The following MEIS3 variants were observed in gnomAD, a reference collection of about 807,000 sequenced individuals.
The protein encoded by MEIS3 is homeobox protein Meis3.
Under a neutral mutation model 51.4 loss-of-function variants are expected in MEIS3, and 38 were observed. The ratio of observed to expected loss-of-function variants is 0.74; its 90% confidence interval spans 0.57 to 0.97. MEIS3 has a LOEUF of 0.97. Ranked by LOEUF, MEIS3 falls within the 50% of genes least tolerant of loss-of-function variation. The pLI is 0.00. For synonymous variants in MEIS3, 198 were observed against 201.8 expected (o/e 0.98, Z 0.16); for missense variants, 456 against 502.6 (o/e 0.91, Z 0.89).
chr19:47,406,978 A>G lies in MEIS3; in HGVS notation c.995-7T>C. 6.4e-7 allele frequency: 1 copy of G among 1,574,598 alleles called. No individual in the cohort carries two copies. Among genetic ancestry groups the G allele is most frequent in the East Asian group, 2.3e-5 (1 of 43,374 alleles). ...CTGAAGGCTGCACCCTGCCCTGCGA[A>G]GGGGGTTCAGAGGTGCAGGCTGAGC... On this transcript the variant is annotated splice_polypyrimidine_tract_variant and splice_region_variant and intron_variant, in intron 10 of 12. Coordinates refer to ENST00000558555, the MANE Select transcript of MEIS3 (RefSeq NM_001301059.2).
At chr19:47,420,940 A>ACACACACACACTCTCTCTCTCT (rs1187725467), upstream of MEIS3, among the ~76,000 whole-genome samples, 2 of 90,996 alleles carry the variant, frequency 2.2e-5, no homozygotes, top group Non-Finnish European at 2.1e-5. Flanking sequence ...ACACACACAC[A>ACACACACACACTCTCTCTCTCT]CTCTCTCTCT....
At chr19:47,407,670 T>G in intron 8 of MEIS3, 6 of 898,284 alleles carry the variant, frequency 6.7e-6, no homozygotes, top group Non-Finnish European at 6.2e-6. Flanking sequence ...TGGCCAGCTC[T>G]GATTAGAGAG....
chr19:47,413,250 C>T (rs181429626), intron 6 of MEIS3, among the ~76,000 whole-genome samples: 34 of 151,844 alleles, frequency 2.2e-4, no homozygotes, highest in African/African-American at 7.2e-4. Context: ...AAAATTAGCC[C>T]GGTGTGGTCG....
chr19:47,407,192 C>G, intron 9 of MEIS3, 55 bp from the exon 10 acceptor site: 1 of 1,568,472 alleles, frequency 6.4e-7, no homozygotes, highest in South Asian at 1.2e-5. Flanking sequence ...GGGAGAGAGG[C>G]CAAGACGAAC....
At position 47,407,366 on chromosome 19, in the gene MEIS3, C is replaced by G. The variant is rs750091922; in HGVS notation, c.921G>C (p.Leu307=). The change falls in exon 9 of 13, where the codon CTG becomes CTC. Residue 307 remains leucine, a synonymous_variant. Coordinates refer to ENST00000558555, the MANE Select transcript of MEIS3 (RefSeq NM_001301059.2). ...GGGCCACTCACCAGTTGTTGACTTG[C>G]AGGATGGTGAGCCCCGTGTCCTGCG... ...QLAQDTGLTI[L]QVNNWFINAR... is the part of the protein sequence containing the mutation. The G allele has an allele frequency of 6.2e-7, 1 of 1,613,340 alleles. No individual in the cohort carries two copies. Among genetic ancestry groups the G allele is most frequent in the East Asian group, 2.2e-5 (1 of 44,830 alleles).
At chr19:47,407,021 C>T in intron 10 of MEIS3, 50 bp from the exon 11 acceptor site, 1 of 1,581,948 alleles carries the variant, frequency 6.3e-7, no homozygotes. Flanking sequence ...AGCCCGGGAC[C>T]CGGCTTTGAC....
At chr19:47,411,665 C>T (rs987866505) in intron 6 of MEIS3, among the ~76,000 whole-genome samples, 1 of 151,680 alleles carries the variant, frequency 6.6e-6, no homozygotes, top group Non-Finnish European at 1.5e-5. Flanking sequence ...CTCAGCCTCC[C>T]GAGTAGCTGG....
intron 9 of MEIS3, 53 bp from the exon 10 acceptor site, chr19:47,407,190 G>A (rs1343453781): frequency 1.9e-6 from 3 of 1,572,480 alleles, no homozygotes; most frequent in African/African-American, 1.3e-5. Context: ...GTGGGAGAGA[G>A]GCCAAGACGA....
chr19:47,407,504 T>C, intron 8 of MEIS3, 76 bp from the exon 9 acceptor site: 2 of 1,610,002 alleles, frequency 1.2e-6, no homozygotes, highest in Non-Finnish European at 1.7e-6. Context: ...CCCACCGGGG[T>C]CCGGGGGATG....
rs371664846 is a variant in MEIS3 at position 47,407,408 on chromosome 19, C to T, written c.879G>A (p.Glu293=). 50 of 1,613,830 alleles carry T rather than the reference C, an allele frequency of 3.1e-5. No homozygotes were observed. The African/African-American group carries it at 3.6e-4, about 12-fold the overall frequency. The part of the protein sequence containing the change: ...QHLSHPYPSE[E]QKKQLAQDTG... ...TGTCCTGCGCCAGCTGTTTCTTCTG[C>T]TCCTCCGAGGGGTACGGGTGCTGCA... The change falls in exon 9 of 13, where the codon GAG becomes GAA. Residue 293 remains glutamate (E), a synonymous_variant. Coordinates refer to ENST00000558555, the MANE Select transcript of MEIS3 (RefSeq NM_001301059.2).
rs754554473 is a variant in MEIS3 at position 47,406,898 on chromosome 19, G to A, written c.1068C>T (p.Val356=). ...GYTETQPHVA[V]RPPGSVGMSL... is the part of the protein sequence containing the mutation. ...GGGGGCGAGGCTTACCCGGAGGCCG[G>A]ACGGCCACGTGTGGCTGCGTCTCGG... is the stretch of plus-strand genomic sequence containing the variant. The change falls in exon 11 of 13, where the codon GTC becomes GTT. Residue 356 remains valine (V), a synonymous_variant. Coordinates refer to ENST00000558555, the MANE Select transcript of MEIS3 (RefSeq NM_001301059.2). 6.4e-7 allele frequency: 1 copy of A among 1,573,104 alleles called. No individual in the cohort carries two copies.
At chr19:47,413,051 G>A (rs994397506) in intron 6 of MEIS3, among the ~76,000 whole-genome samples, 1 of 151,884 alleles carries the variant, frequency 6.6e-6, no homozygotes, top group South Asian at 2.1e-4. Context: ...TGAAGGTTTG[G>A]TTGTCCTGTT....
intron 4 of MEIS3, chr19:47,416,432 C>T (rs930859953): frequency 1.8e-5 from 9 of 510,868 alleles, no homozygotes; most frequent in Non-Finnish European, 3.1e-5. Context: ...CCCTGGGTCA[C>T]AGAGCTGGTG....
intron 8 of MEIS3, 71 bp from the exon 9 acceptor site, chr19:47,407,499 C>T (rs1385868250): frequency 6.2e-7 from 1 of 1,610,974 alleles, no homozygotes; most frequent in Non-Finnish European, 8.5e-7. Context: ...TCTGGCCCAC[C>T]GGGGTCCGGG....
upstream of MEIS3, among the ~76,000 whole-genome samples, chr19:47,420,439 G>A (rs776432803): frequency 4.0e-5 from 6 of 151,346 alleles, no homozygotes; most frequent in Non-Finnish European, 7.4e-5. Flanking sequence ...GGACAGAGCA[G>A]GAAGGGAGGG....
At chr19:47,418,043 C>T (rs994273561) in intron 1 of MEIS3, 2 of 305,202 alleles carry the variant, frequency 6.6e-6, no homozygotes, top group African/African-American at 4.3e-5. Context: ...CAGGGCCTGG[C>T]TCATGCTGTG....
upstream of MEIS3, among the ~76,000 whole-genome samples, chr19:47,420,940 A>ACACACACACTCTCTCT (rs1187725467): frequency 3.4e-3 from 310 of 90,800 alleles, 2 homozygotes; most frequent in East Asian, 5.7e-3. Flanking sequence ...ACACACACAC[A>ACACACACACTCTCTCT]CTCTCTCTCT....
intron 1 of MEIS3, 91 bp from the exon 2 acceptor site, chr19:47,417,441 G>GGATA: frequency 1.4e-6 from 2 of 1,469,690 alleles, no homozygotes; most frequent in Non-Finnish European, 1.9e-6. Context: ...CTGGAACCCA[G>GGATA]GAGATGCCCT....
At chr19:47,414,286 G>A (rs79927020) in intron 6 of MEIS3, among the ~76,000 whole-genome samples, 14,802 of 152,148 alleles carry the variant, frequency 0.097, 779 homozygotes, top group African/African-American at 0.14. Context: ...TGGCTGGAGC[G>A]GGTGTGTGTA....
Sources: allele counts gnomAD v4.1 joint callset (sites outside exome capture counted in the v4.1 genomes callset), GRCh38; gene constraint gnomAD v4.1.1; transcripts MANE v1.5; gene names NCBI Gene and HGNC (gene_info 2026-07-23, HGNC 2026-07-21).